Variants in CRB1 observed in about 807,000 individuals in gnomAD.
CRB1 encodes protein crumbs homolog 1.
Under a neutral mutation model 120.0 loss-of-function variants are expected in CRB1, and 83 were observed. The ratio of observed to expected loss-of-function variants is 0.69; its 90% CI spans 0.58 to 0.83. CRB1 has a LOEUF of 0.83. Among genes scored for constraint, CRB1 ranks in the 40% least tolerant of loss-of-function variants. The pLI is 0.00. For missense variants in CRB1, 1,699 were observed against 1,687.6 expected (o/e 1.01, Z -0.12); for synonymous variants, 625 against 612.5 (o/e 1.02, Z -0.30).
intron 5 of CRB1, among the ~76,000 whole-genome samples, chr1:197,419,476 C>T (rs1445080342): frequency 6.6e-6 from 1 of 151,832 alleles, no homozygotes; most frequent in Non-Finnish European, 1.5e-5. Context: ...GATTGTCCTG[C>T]CTCAGCCTTC....
At chr1:197,358,945 C>T (rs1227282763) in intron 5 of CRB1, among the ~76,000 whole-genome samples, 2 of 152,142 alleles carry the variant, frequency 1.3e-5, no homozygotes, top group African/African-American at 4.8e-5. Context: ...ACTGGGGATA[C>T]GAACCTAGAT....
chr1:197,370,725 G>A (rs954403319), intron 5 of CRB1, among the ~76,000 whole-genome samples: 1 of 152,106 alleles, frequency 6.6e-6, no homozygotes, highest in Non-Finnish European at 1.5e-5. Flanking sequence ...ACCTCATGTT[G>A]AAGTACATGT....
the CRB1 span, among the ~76,000 whole-genome samples, chr1:197,213,521 A>G: frequency 6.6e-6 from 1 of 152,330 alleles, no homozygotes; most frequent in African/African-American, 2.4e-5. Flanking sequence ...TAAAAATCCC[A>G]TGTGACTCAG....
chr1:197,424,034 C>T (rs534207645), intron 6 of CRB1, among the ~76,000 whole-genome samples: 1 of 152,282 alleles, frequency 6.6e-6, no homozygotes, highest in East Asian at 1.9e-4. Flanking sequence ...CTCTGGTGAA[C>T]ATTTGACTTA....
intron 1 of CRB1, among the ~76,000 whole-genome samples, chr1:197,312,105 G>T (rs1165675380): frequency 6.6e-6 from 1 of 151,994 alleles, no homozygotes; most frequent in African/African-American, 2.4e-5. Context: ...TTGATGAGAT[G>T]AAAAAATTTT....
chr1:197,390,874 C>T (rs984653187), intron 5 of CRB1, among the ~76,000 whole-genome samples: 1 of 151,656 alleles, frequency 6.6e-6, no homozygotes, highest in Non-Finnish European at 1.5e-5. Flanking sequence ...AGCCCGAGGC[C>T]CTTAAGAATA....
chr1:197,254,191 C>T, the CRB1 span, among the ~76,000 whole-genome samples: 30 of 152,222 alleles, frequency 2.0e-4, no homozygotes, highest in South Asian at 6.2e-3. Flanking sequence ...GGAGATTCTT[C>T]AGACTTGTGT....
At chr1:197,461,859 A>C (rs981911517) in intron 11 of CRB1, among the ~76,000 whole-genome samples, 1 of 152,162 alleles carries the variant, frequency 6.6e-6, no homozygotes, top group African/African-American at 2.4e-5. Flanking sequence ...TTGTCAGCTC[A>C]GTTCAAAAAA....
intron 5 of CRB1, among the ~76,000 whole-genome samples, chr1:197,404,212 G>A (rs1309052586): frequency 6.6e-6 from 1 of 152,082 alleles, no homozygotes; most frequent in Admixed American, 6.6e-5. Flanking sequence ...ACCATCAGCT[G>A]GCTCTCTCAT....
chr1:197,407,159 G>A (rs1663454436), intron 5 of CRB1, among the ~76,000 whole-genome samples: 2 of 152,080 alleles, frequency 1.3e-5, no homozygotes, highest in South Asian at 4.1e-4. Flanking sequence ...AGAATGAAGT[G>A]GAAAAATGGT....
chr1:197,300,804 G>A (rs142130387), intron 1 of CRB1, among the ~76,000 whole-genome samples: 122 of 152,264 alleles, frequency 8.0e-4, no homozygotes, highest in African/African-American at 2.9e-3. Context: ...CAGTTTCAAA[G>A]GACAGGCTGA....
chr1:197,319,969 A>G (rs189591961), intron 1 of CRB1, among the ~76,000 whole-genome samples: 2 of 152,316 alleles, frequency 1.3e-5, no homozygotes, highest in East Asian at 1.9e-4. Context: ...GAGGATGAAT[A>G]TTAGTTGGCT....
the CRB1 span, among the ~76,000 whole-genome samples, chr1:197,212,983 C>G: frequency 6.6e-6 from 1 of 152,086 alleles, no homozygotes; most frequent in Non-Finnish European, 1.5e-5. Context: ...CTCAACAGAT[C>G]TAGATAAATT....
At chr1:197,332,826 A>T (rs1021462979) in intron 2 of CRB1, among the ~76,000 whole-genome samples, 1 of 152,202 alleles carries the variant, frequency 6.6e-6, no homozygotes, top group Non-Finnish European at 1.5e-5. Context: ...CACACAGGGA[A>T]GTGTGTTTAT....
Position 197,427,881 on chromosome 1 carries a change from C to A in CRB1, c.2556C>A (p.Ile852=). ...ELNGGFFKGC[I]QDVRLNNQNL... Reference sequence around the variant, plus strand: ...ATGGTGGATTCTTCAAAGGCTGTATCCAAGATGTAAGACTAAACAACCAAA... The same window carrying A: ...ATGGTGGATTCTTCAAAGGCTGTATACAAGATGTAAGACTAAACAACCAAA... The change falls in exon 7 of 12, where the codon ATC becomes ATA. Residue 852 remains isoleucine (I), a synonymous_variant. Transcript: ENST00000367400. 2 of 1,613,954 alleles carry A rather than the reference C, an allele frequency of 1.2e-6. No individual in the cohort carries two copies. The highest frequency in any genetic ancestry group is 1.7e-6 in the Non-Finnish European group (2 of 1,179,940).
chr1:197,202,831 C>A, the CRB1 span, among the ~76,000 whole-genome samples: 1 of 152,112 alleles, frequency 6.6e-6, no homozygotes, highest in South Asian at 2.1e-4. Flanking sequence ...GTGGCAGGGG[C>A]AGGTCACATC....
chr1:197,344,273 T>C lies in CRB1; in HGVS notation c.653-8T>C, dbSNP rs1659639552. ...TTTCTGTTTTTTCTGTGCTGACTTTTTTAAAAGGTGTAAACTGTGAATTGG... is the reference window on the plus strand; with the variant it reads ...TTTCTGTTTTTTCTGTGCTGACTTTCTTAAAAGGTGTAAACTGTGAATTGG... On this transcript the variant is annotated splice_region_variant and splice_polypyrimidine_tract_variant and intron_variant, in intron 2 of 11. Coordinates refer to ENST00000367400, the MANE Select transcript of CRB1 (RefSeq NM_201253.3). 6.2e-7 allele frequency: 1 copy of C among 1,614,004 alleles called. No homozygotes were observed. The highest frequency in any genetic ancestry group is 1.3e-5 in the African/African-American group (1 of 74,940).
At chr1:197,220,550 A>T in the CRB1 span, among the ~76,000 whole-genome samples, 1 of 152,202 alleles carries the variant, frequency 6.6e-6, no homozygotes, top group Admixed American at 6.5e-5. Flanking sequence ...AAAGGTAACT[A>T]TTGCGTTTGC....
chr1:197,415,791 C>A (rs552144101), intron 5 of CRB1, among the ~76,000 whole-genome samples: 349 of 151,578 alleles, frequency 2.3e-3, no homozygotes, highest in African/African-American at 8.0e-3. Flanking sequence ...TACAGGCGCC[C>A]ACCACCACAC....
Sources: gnomAD v4.1 joint callset for allele counts (sites outside exome capture counted in the v4.1 genomes callset) on GRCh38, gnomAD v4.1.1 for gene constraint, MANE v1.5 for transcripts, NCBI Gene and HGNC (gene_info 2026-07-23, HGNC 2026-07-21) for gene names.